The following SGCZ variants were observed in gnomAD, a reference collection of about 807,000 sequenced individuals.
SGCZ encodes zeta-sarcoglycan.
A neutral mutation model predicts 41.3 loss-of-function variants in SGCZ; 40 were observed. That is an observed-to-expected ratio of 0.97 (90% CI 0.75 to 1.26). The LOEUF (loss-of-function observed/expected upper bound fraction) is 1.26, where lower values mean the gene tolerates loss of function less well. Ranked by LOEUF, SGCZ falls within the 50% of genes most tolerant of loss-of-function variation. SGCZ has a pLI of 0.00. For missense variants in SGCZ, 552 were observed against 369.8 expected (o/e 1.49, Z -4.04); for synonymous variants, 206 against 137.5 (o/e 1.50, Z -3.49).
chr8:14,390,729 T>G (rs1804740740), intron 2 of SGCZ, among the ~76,000 whole-genome samples: 1 of 152,048 alleles, frequency 6.6e-6, no homozygotes, highest in Non-Finnish European at 1.5e-5. Flanking sequence ...GCTGACTTAA[T>G]AATATTCTAA....
chr8:14,816,754 C>T (rs528940179), intron 1 of SGCZ, among the ~76,000 whole-genome samples: 1 of 152,188 alleles, frequency 6.6e-6, no homozygotes, highest in African/African-American at 2.4e-5. Flanking sequence ...ATATATCCTC[C>T]TTTATATATG....
chr8:14,509,126 T>A (rs1802393073), intron 2 of SGCZ, among the ~76,000 whole-genome samples: 1 of 152,068 alleles, frequency 6.6e-6, no homozygotes, highest in African/African-American at 2.4e-5. Flanking sequence ...ACTAGGAAAT[T>A]AGTACTGCAT....
intron 2 of SGCZ, among the ~76,000 whole-genome samples, chr8:14,430,747 G>T (rs1400724291): frequency 2.0e-5 from 3 of 152,158 alleles, no homozygotes; most frequent in Non-Finnish European, 4.4e-5. Context: ...AAAAGAGAAA[G>T]TCAAAATGTC....
chr8:14,815,121 A>G (rs913866590), intron 1 of SGCZ, among the ~76,000 whole-genome samples: 4 of 152,130 alleles, frequency 2.6e-5, no homozygotes, highest in Non-Finnish European at 5.9e-5. Flanking sequence ...GGTATTTGTT[A>G]TTATTTTGGT....
intron 1 of SGCZ, among the ~76,000 whole-genome samples, chr8:14,965,241 C>T (rs535405069): frequency 1.3e-5 from 2 of 152,118 alleles, no homozygotes; most frequent in Non-Finnish European, 1.5e-5. Flanking sequence ...ATAGCTCCTC[C>T]TCAATAGTGC....
At chr8:14,309,417 C>G (rs1268888561) in intron 3 of SGCZ, 2 of 1,606,672 alleles carry the variant, frequency 1.2e-6, no homozygotes, top group African/African-American at 2.7e-5. Context: ...TGGCTAGAGA[C>G]ACTTCTGTGC....
intron 1 of SGCZ, among the ~76,000 whole-genome samples, chr8:14,949,091 AT>A (rs1800546661): frequency 6.6e-6 from 1 of 152,090 alleles, no homozygotes; most frequent in South Asian, 2.1e-4. Context: ...ACCGCCCAGA[AT>A]TTGCTCTCTC....
At chr8:14,900,942 ATAAAG>A (rs760096909) in intron 1 of SGCZ, among the ~76,000 whole-genome samples, 1 of 152,212 alleles carries the variant, frequency 6.6e-6, no homozygotes, top group Non-Finnish European at 1.5e-5. Flanking sequence ...AACCCTACCT[ATAAAG>A]TATTTATTTC....
At chr8:14,790,693 G>C (rs1235049670) in intron 1 of SGCZ, among the ~76,000 whole-genome samples, 2 of 152,048 alleles carry the variant, frequency 1.3e-5, no homozygotes, top group Non-Finnish European at 2.9e-5. Context: ...TGAAAACAAA[G>C]ATCATAACTA....
At chr8:15,159,731 G>GCCC (rs1177293742) in intron 1 of SGCZ, among the ~76,000 whole-genome samples, 1 of 8,196 alleles carries the variant, frequency 1.2e-4, no homozygotes. Context: ...CCTCGCCCCC[G>GCCC]CCCCCCCCAC....
chr8:14,831,047 C>T (rs531649177), intron 1 of SGCZ, among the ~76,000 whole-genome samples: 1 of 152,166 alleles, frequency 6.6e-6, no homozygotes, highest in South Asian at 2.1e-4. Flanking sequence ...TTGGAAATAC[C>T]TCTTTACCTC....
At chr8:14,509,546 T>G in intron 2 of SGCZ, among the ~76,000 whole-genome samples, 1 of 152,152 alleles carries the variant, frequency 6.6e-6, no homozygotes, top group Non-Finnish European at 1.5e-5. Flanking sequence ...AGTCAGCTGT[T>G]AGAGGTAAGC....
intron 2 of SGCZ, among the ~76,000 whole-genome samples, chr8:14,457,092 G>C (rs930775995): frequency 2.0e-5 from 3 of 152,098 alleles, no homozygotes; most frequent in African/African-American, 7.2e-5. Context: ...AACAAGAATA[G>C]TTATACCAGA....
intron 1 of SGCZ, among the ~76,000 whole-genome samples, chr8:14,640,552 C>CT (rs1806986706): frequency 6.6e-6 from 1 of 151,424 alleles, no homozygotes; most frequent in Non-Finnish European, 1.5e-5. Context: ...CTGTTTTTAA[C>CT]TTTTTAATTG....
rs554546785 is a variant in SGCZ at position 15,023,499 on chromosome 8, T to C, written c.39+214086A>G. 2.0e-5 allele frequency among the ~76,000 whole-genome samples: 3 copies of C among 152,308 alleles called. No individual in the cohort carries two copies. The East Asian group carries it at 5.8e-4, about 29-fold the overall frequency. On this transcript the variant is annotated intron_variant, in intron 1 of 7. Transcript: ENST00000382080. ...GACACATTAATTCCTTCTATGTGTGTGGCTGTTCATGCTACTCAAAGTATG... is the reference window on the plus strand; with the variant it reads ...GACACATTAATTCCTTCTATGTGTGCGGCTGTTCATGCTACTCAAAGTATG...
intron 4 of SGCZ, among the ~76,000 whole-genome samples, chr8:14,230,318 G>C (rs144099663): frequency 5.1e-4 from 77 of 152,208 alleles, no homozygotes; most frequent in Non-Finnish European, 9.7e-4. Context: ...TACACATGCA[G>C]TGTGAACAAA....
At chr8:14,987,786 G>A (rs912293979) in intron 1 of SGCZ, among the ~76,000 whole-genome samples, 1 of 151,872 alleles carries the variant, frequency 6.6e-6, no homozygotes, top group Non-Finnish European at 1.5e-5. Context: ...AACCCAAACG[G>A]AGGAAAAGGT....
At chr8:14,851,246 G>A (rs923993397) in intron 1 of SGCZ, among the ~76,000 whole-genome samples, 2 of 151,482 alleles carry the variant, frequency 1.3e-5, no homozygotes, top group Non-Finnish European at 2.9e-5. Context: ...GCAGGCGCCT[G>A]TAGTCCCTGC....
At chr8:14,915,676 C>G (rs984413413) in intron 1 of SGCZ, among the ~76,000 whole-genome samples, 1 of 152,172 alleles carries the variant, frequency 6.6e-6, no homozygotes, top group African/African-American at 2.4e-5. Context: ...ACTGATCAAA[C>G]CAATCTGTGT....
Sources: gnomAD v4.1 joint callset for allele counts (sites outside exome capture counted in the v4.1 genomes callset) on GRCh38, gnomAD v4.1.1 for gene constraint, MANE v1.5 for transcripts, NCBI Gene and HGNC (gene_info 2026-07-23, HGNC 2026-07-21) for gene names.